Variants in HPSE2 observed in about 807,000 individuals in gnomAD.
HPSE2 encodes the protein inactive heparanase-2.
HPSE2 carries 38 observed loss-of-function variants against 60.5 expected under a neutral mutation model. That is an observed-to-expected ratio of 0.63 (90% CI 0.48 to 0.82). The LOEUF is 0.82. Ranked by LOEUF, HPSE2 falls within the 40% of genes least tolerant of loss-of-function variation. HPSE2 has a pLI of 0.00. For synonymous variants in HPSE2, 295 were observed against 293.2 expected (o/e 1.01, Z -0.06); for missense variants, 713 against 740.4 (o/e 0.96, Z 0.43).
rs142666647 is a variant in HPSE2, at chr10:98,494,944, T to A, written c.1321-4748A>T. ...CTATTATTACAATAATGCCAGCTTG[T>A]ATATTTGCTCATATACTTAATATTT... On this transcript the variant is annotated intron_variant, in intron 9 of 11. Coordinates refer to ENST00000370552, the MANE Select transcript of HPSE2 (RefSeq NM_021828.5). 2.7e-3 allele frequency among the ~76,000 whole-genome samples: 407 copies of A among 152,358 alleles called. 7 individuals are homozygous for A. The South Asian group carries it at 0.033, about 12-fold the overall frequency.
At chr10:98,696,707 G>C (rs540441130) in intron 5 of HPSE2, among the ~76,000 whole-genome samples, 1 of 152,276 alleles carries the variant, frequency 6.6e-6, no homozygotes, top group African/African-American at 2.4e-5. Flanking sequence ...GTGGCTCCCT[G>C]CTGTCTAAGC....
intron 6 of HPSE2, among the ~76,000 whole-genome samples, chr10:98,654,441 A>G (rs1947003973): frequency 6.6e-6 from 1 of 152,054 alleles, no homozygotes; most frequent in Admixed American, 6.5e-5. Flanking sequence ...TCTGAATTTC[A>G]GTTTGGGCAA....
At position 98,702,036 on chromosome 10, in the gene HPSE2, C is replaced by T. The variant is rs529035255; in HGVS notation, c.957-8089G>A. Among the ~76,000 whole-genome samples the T allele has an allele frequency of 3.9e-5, 6 of 152,230 alleles. No homozygotes were observed. The South Asian group carries it at 1.2e-3, about 32-fold the overall frequency. ...TCAAATTGGATAAAGAGTCAAGACC[C>T]ATTGGTGTGCTGTATTCAGGAGGCC... On this transcript the variant is annotated intron_variant, in intron 5 of 11. Transcript: ENST00000370552.
rs1272104043 is a variant in HPSE2 at position 98,933,186 on chromosome 10, A to G, written c.611-189130T>C. Reference sequence around the variant, plus strand: ...GTCTCTTTGTTCTAGTTGGTTTCAAAGAACTTCTTGATTTCTGCCTTAATT... The same window carrying G: ...GTCTCTTTGTTCTAGTTGGTTTCAAGGAACTTCTTGATTTCTGCCTTAATT... On this transcript the variant is annotated intron_variant, in intron 3 of 11. Transcript: ENST00000370552. 1.4e-5 allele frequency among the ~76,000 whole-genome samples: 2 copies of G among 142,662 alleles called. 1 individual carries two copies. The highest frequency in any genetic ancestry group is 5.8e-5 in the African/African-American group (2 of 34,500). The allele number at this position is 142,662 out of a possible 152,430, so 93.6% of individuals were successfully genotyped here.
At chr10:98,985,789 G>A (rs1010993467) in intron 3 of HPSE2, among the ~76,000 whole-genome samples, 2 of 152,060 alleles carry the variant, frequency 1.3e-5, no homozygotes, top group Admixed American at 6.6e-5. Context: ...ATAAACGGAT[G>A]GAGGAAGATC....
At chr10:99,022,652 T>C (rs1401667990) in intron 3 of HPSE2, among the ~76,000 whole-genome samples, 1 of 152,130 alleles carries the variant, frequency 6.6e-6, no homozygotes, top group Non-Finnish European at 1.5e-5. Context: ...CTTGGATACC[T>C]GCTCAGCCAC....
At chr10:98,466,476 T>G (rs1171295030) in intron 11 of HPSE2, among the ~76,000 whole-genome samples, 6 of 151,752 alleles carry the variant, frequency 4.0e-5, no homozygotes, top group African/African-American at 1.5e-4. Flanking sequence ...ACGGGCGTGG[T>G]GGTAGGTGCC....
intron 3 of HPSE2, among the ~76,000 whole-genome samples, chr10:99,136,553 G>A (rs373504415): frequency 1.3e-4 from 20 of 152,124 alleles, no homozygotes; most frequent in South Asian, 4.2e-4. Context: ...CGATCAAGTC[G>A]GCTTCATCCC....
intron 3 of HPSE2, among the ~76,000 whole-genome samples, chr10:98,812,811 CTTCTT>C (rs1951198900): frequency 6.6e-6 from 1 of 152,100 alleles, no homozygotes; most frequent in Non-Finnish European, 1.5e-5. Flanking sequence ...AACTTTGTCT[CTTCTT>C]TTTTTTCCAT....
At position 98,459,250 on chromosome 10, in the gene HPSE2, G is replaced by C. The variant is rs1940173374; in HGVS notation, c.*324C>G. On this transcript the variant is annotated 3_prime_UTR_variant, in exon 12 of 12. Coordinates refer to ENST00000370552, the MANE Select transcript of HPSE2 (RefSeq NM_021828.5). ...CTGTGTGACAGGATCATGGGGAGTT[G>C]TCTGGAAACATTTCTCCTGGGAGTG... The C allele has an allele frequency of 5.3e-6, 2 of 377,224 alleles. No individual in the cohort carries two copies. Among genetic ancestry groups the C allele is most frequent in the Admixed American group, 7.3e-5 (2 of 27,374 alleles). The allele number at this position is 377,224 out of a possible 1,614,324, so 23.4% of individuals were successfully genotyped here. A position where few individuals can be genotyped will look rare whatever the true frequency, so the allele number is the denominator to read the frequency against.
chr10:98,840,327 T>C (rs547017619), intron 3 of HPSE2, among the ~76,000 whole-genome samples: 1 of 151,942 alleles, frequency 6.6e-6, no homozygotes, highest in Non-Finnish European at 1.5e-5. Context: ...CCTATTAAAT[T>C]TGGACTCCAT....
At position 99,050,274 on chromosome 10, in the gene HPSE2, C is replaced by G. The variant is rs1020948897; in HGVS notation, c.610+93964G>C. ...GTATGACTGCACCACTGGACTCAAG[C>G]CTAGACAAAAGAGTGAGACTCTGTC... On this transcript the variant is annotated intron_variant, in intron 3 of 11. Coordinates refer to ENST00000370552, the MANE Select transcript of HPSE2 (RefSeq NM_021828.5). Among the ~76,000 whole-genome samples, 16 of 151,810 alleles carry G rather than the reference C, an allele frequency of 1.1e-4. No homozygotes were observed. The East Asian group carries it at 1.9e-3, about 18-fold the overall frequency.
chr10:99,036,545 T>C (rs1218246474), intron 3 of HPSE2, among the ~76,000 whole-genome samples: 3 of 152,088 alleles, frequency 2.0e-5, no homozygotes, highest in Non-Finnish European at 4.4e-5. Flanking sequence ...AAATTTAAAA[T>C]TGGATAAATG....
intron 3 of HPSE2, among the ~76,000 whole-genome samples, chr10:98,997,273 C>G (rs144080575): frequency 0.018 from 2,740 of 151,878 alleles, 39 homozygotes; most frequent in Non-Finnish European, 0.029. Flanking sequence ...CCACCATGCC[C>G]GGCTAATTTT....
At chr10:98,546,688 A>C (rs1943689077) in intron 9 of HPSE2, among the ~76,000 whole-genome samples, 2 of 151,220 alleles carry the variant, frequency 1.3e-5, no homozygotes, top group African/African-American at 4.8e-5. Flanking sequence ...TTAGACCTAA[A>C]ACCATAAAAA....
chr10:98,728,678 G>A (rs1317851779), intron 4 of HPSE2, among the ~76,000 whole-genome samples: 1 of 152,080 alleles, frequency 6.6e-6, no homozygotes, highest in African/African-American at 2.4e-5. Flanking sequence ...AGATTGTGAT[G>A]AGTTAAGATG....
At chr10:99,066,568 G>A (rs951155198) in intron 3 of HPSE2, among the ~76,000 whole-genome samples, 5 of 152,124 alleles carry the variant, frequency 3.3e-5, no homozygotes, top group African/African-American at 7.2e-5. Context: ...ATGGTGGCAG[G>A]CAAGATAACT....
At position 98,808,539 on chromosome 10, in the gene HPSE2, C is replaced by A. The variant is rs141892995; in HGVS notation, c.611-64483G>T. Among the ~76,000 whole-genome samples the A allele has an allele frequency of 3.0e-3, 455 of 152,238 alleles. 12 individuals are homozygous for A. In the East Asian group the frequency reaches 0.05, roughly 17 times the overall value. On this transcript the variant is annotated intron_variant, in intron 3 of 11. Transcript: ENST00000370552. ...GAATTAAGTGAGAGTCATGCCTGAGCAGCCCTTCAACTAACACTTAGGAGA... is the reference window on the plus strand; with the variant it reads ...GAATTAAGTGAGAGTCATGCCTGAGAAGCCCTTCAACTAACACTTAGGAGA...
chr10:99,281,753 A>C, the HPSE2 span, among the ~76,000 whole-genome samples: 4 of 152,190 alleles, frequency 2.6e-5, no homozygotes, highest in African/African-American at 9.6e-5. Flanking sequence ...AGCAAGGAAC[A>C]GATTGTGTAA....
Sources: gnomAD v4.1 joint callset for allele counts (sites outside exome capture counted in the v4.1 genomes callset) on GRCh38, gnomAD v4.1.1 for gene constraint, MANE v1.5 for transcripts, NCBI Gene and HGNC (gene_info 2026-07-23, HGNC 2026-07-21) for gene names.